The following KIF13A variants were observed in gnomAD, a reference collection of about 807,000 sequenced individuals.
KIF13A encodes kinesin-like protein KIF13A.
A neutral mutation model predicts 212.2 loss-of-function variants in KIF13A; 79 were observed. The observed-to-expected ratio is 0.37, with a 90% confidence interval of 0.31 to 0.45. KIF13A has a LOEUF of 0.45. Ranked by LOEUF, KIF13A falls within the 20% of genes least tolerant of loss-of-function variation. KIF13A has a pLI of 1.00. For missense variants in KIF13A, 1,901 were observed against 2,209.0 expected (o/e 0.86, Z 2.79); for synonymous variants, 789 against 808.6 (o/e 0.98, Z 0.41).
chr6:17,916,074 A>G (rs1230806331), intron 2 of KIF13A, among the ~76,000 whole-genome samples: 2 of 152,242 alleles, frequency 1.3e-5, no homozygotes, highest in Non-Finnish European at 2.9e-5. Flanking sequence ...TTCCCAATAC[A>G]GACCTGGGAG....
At chr6:17,939,159 C>G (rs753750223) in intron 2 of KIF13A, among the ~76,000 whole-genome samples, 3 of 152,190 alleles carry the variant, frequency 2.0e-5, no homozygotes. Flanking sequence ...TTTCCTCCCC[C>G]TTTCCTTGTG....
In KIF13A at chr6:17,769,617, T is replaced by C. The variant is rs1326602032; in HGVS notation, c.4581+1497A>G. ...TCTGCTGAACACCCCAGAAGGGTCA[T>C]CCAGCAGTGTCTTGATGGTGTTGTA... On this transcript the variant is annotated intron_variant, in intron 38 of 38. Coordinates refer to ENST00000259711, the MANE Select transcript of KIF13A (RefSeq NM_022113.6). The surrounding 1 kb of genome is among the most constrained non-coding windows in gnomAD (Gnocchi z 5.8). 2.0e-5 allele frequency among the ~76,000 whole-genome samples: 3 copies of C among 152,304 alleles called. No individual in the cohort carries two copies. The highest frequency in any genetic ancestry group is 1.5e-5 in the Non-Finnish European group (1 of 68,032).
intron 2 of KIF13A, among the ~76,000 whole-genome samples, chr6:17,944,564 T>A (rs561536976): frequency 6.6e-6 from 1 of 152,194 alleles, no homozygotes; most frequent in East Asian, 1.9e-4. Flanking sequence ...GCCCCTCTTG[T>A]CCCACTCCTC....
rs1032916078 is a variant in KIF13A, at chr6:17,963,006, T to C, written c.146+24048A>G. Among the ~76,000 whole-genome samples the C allele has an allele frequency of 3.9e-5, 6 of 152,214 alleles. No homozygotes were observed. Among genetic ancestry groups the C allele is most frequent in the Admixed American group, 2.6e-4 (4 of 15,278 alleles). The stretch of plus-strand genomic sequence containing the variant: ...CACTACACTGTAAACTCAAAGTGCA[T>C]AAAGATAATTGTTTATCCTATATGA... On this transcript the variant is annotated intron_variant, in intron 2 of 38. Coordinates refer to ENST00000259711, the MANE Select transcript of KIF13A (RefSeq NM_022113.6). The surrounding 1 kb of genome is among the most constrained non-coding windows in gnomAD (Gnocchi z 4.1).
chr6:17,825,670 T>A lies in KIF13A; in HGVS notation c.1786+98A>T. 1 of 1,135,122 alleles carries A rather than the reference T, an allele frequency of 8.8e-7. No homozygotes were observed. Among genetic ancestry groups the A allele is most frequent in the Non-Finnish European group, 1.3e-6 (1 of 788,070 alleles). 70.3% of individuals were successfully genotyped at this position (1,135,122 alleles called of 1,614,324 possible). A position where few individuals can be genotyped will look rare whatever the true frequency, so the allele number is the denominator to read the frequency against. On this transcript the variant is annotated intron_variant, in intron 16 of 38. Transcript: ENST00000259711. The surrounding 1 kb of genome is among the most constrained non-coding windows in gnomAD (Gnocchi z 4.5). ...TGAGCAGTTTTATGTGTTTAAAATG[T>A]GGAATGCGGAATGACACCTGATGCA...
chr6:17,782,055 A>G (rs1760640391), intron 29 of KIF13A, among the ~76,000 whole-genome samples: 1 of 151,162 alleles, frequency 6.6e-6, no homozygotes, highest in African/African-American at 2.4e-5. Flanking sequence ...TCCTGCCTCA[A>G]CCTCCCGAGC....
rs1384933070 is a variant in KIF13A, at chr6:17,764,522, A to G, written c.5006T>C (p.Leu1669Pro). The G allele has an allele frequency of 1.2e-6, 2 of 1,613,790 alleles. No individual in the cohort carries two copies. Among genetic ancestry groups the G allele is most frequent in the East Asian group, 2.2e-5 (1 of 44,884 alleles). The change falls in exon 39 of 39, where the codon CTC becomes CCC. Residue 1669 changes from leucine (L) to proline (P), a missense_variant. Transcript: ENST00000259711. The surrounding 1 kb of genome is among the most constrained non-coding windows in gnomAD (Gnocchi z 5.1). ...LVKDKIIVVP[L>P]KENSALAKGS... ...TTTGGCTAAGGCACTGTTTTCCTTG[A>G]GTGGCACCACAATTATCTTGTCCTT...
rs943786207 is a variant in KIF13A, at chr6:17,850,773, CTTGAT to C, written c.583-321_583-317del. The stretch of plus-strand genomic sequence containing the variant: ...CTCCGATAATCAATAATAGCAGTGA[CTTGAT>C]TTAACTCTTACTCTCCTGTGCTTAC... On this transcript the variant is annotated intron_variant, in intron 7 of 38. Transcript: ENST00000259711. The surrounding 1 kb of genome is among the most constrained non-coding windows in gnomAD (Gnocchi z 6.2). Among the ~76,000 whole-genome samples the C allele has an allele frequency of 6.6e-6, 1 of 152,148 alleles. No individual in the cohort carries two copies. Among genetic ancestry groups the C allele is most frequent in the African/African-American group, 2.4e-5 (1 of 41,432 alleles).
At chr6:17,788,771 C>A (rs1203742958) in intron 26 of KIF13A, among the ~76,000 whole-genome samples, 1 of 152,166 alleles carries the variant, frequency 6.6e-6, no homozygotes, top group Non-Finnish European at 1.5e-5. Flanking sequence ...GTCGCCCAGG[C>A]TGGAGTGCAG....
intron 25 of KIF13A, among the ~76,000 whole-genome samples, chr6:17,790,757 C>G (rs1182334135): frequency 6.6e-6 from 1 of 152,154 alleles, no homozygotes; most frequent in East Asian, 1.9e-4. Flanking sequence ...GCTGGGGCAA[C>G]CTCAGGCTAT....
rs368823202 is a variant in KIF13A, at chr6:17,781,136, C to G, written c.3669+41G>C. ...TGAGCAGGCCCACAAGCCTTGTGTG[C>G]TAATCTGAAGCCTTTTAAGAGAAAC... On this transcript the variant is annotated intron_variant, in intron 30 of 38. Coordinates refer to ENST00000259711, the MANE Select transcript of KIF13A (RefSeq NM_022113.6). 2.4e-5 allele frequency: 38 copies of G among 1,611,964 alleles called. 1 individual carries two copies. In the African/African-American group the frequency reaches 4.7e-4, roughly 20 times the overall value.
At chr6:17,817,301 G>T in intron 16 of KIF13A, 68 bp from the exon 17 acceptor site, 1 of 1,398,962 alleles carries the variant, frequency 7.1e-7, no homozygotes. Flanking sequence ...GCCAGGCACT[G>T]CAGCCTGTGG....
chr6:17,979,625 G>A (rs1051220876), intron 2 of KIF13A, among the ~76,000 whole-genome samples: 1 of 152,052 alleles, frequency 6.6e-6, no homozygotes, highest in African/African-American at 2.4e-5. Flanking sequence ...TCTGAGAGAT[G>A]TCCTTAACAT....
intron 4 of KIF13A, among the ~76,000 whole-genome samples, chr6:17,861,633 T>C (rs1011851937): frequency 5.3e-5 from 8 of 152,216 alleles, no homozygotes; most frequent in African/African-American, 1.9e-4. Context: ...ACTGAGTCAG[T>C]AGGAAAGAAA....
intron 16 of KIF13A, among the ~76,000 whole-genome samples, chr6:17,820,017 A>G (rs1272116090): frequency 1.3e-5 from 2 of 152,038 alleles, no homozygotes; most frequent in East Asian, 3.9e-4. Flanking sequence ...TTGCTACGAG[A>G]TACTGAATAA....
At chr6:17,962,216 C>T (rs1258196198) in intron 2 of KIF13A, among the ~76,000 whole-genome samples, 1 of 151,802 alleles carries the variant, frequency 6.6e-6, no homozygotes, top group Non-Finnish European at 1.5e-5. Context: ...GAGGCTGAGG[C>T]AAGAGAACTA....
At chr6:17,980,949 C>T (rs929076903) in intron 2 of KIF13A, among the ~76,000 whole-genome samples, 4 of 150,534 alleles carry the variant, frequency 2.7e-5, no homozygotes, top group South Asian at 2.1e-4. Flanking sequence ...TTCAGAAATA[C>T]GGTGGGAAAT....
chr6:17,925,627 C>A (rs987836246), intron 2 of KIF13A, among the ~76,000 whole-genome samples: 5 of 152,176 alleles, frequency 3.3e-5, no homozygotes, highest in Admixed American at 1.3e-4. Flanking sequence ...GGAGAGAACA[C>A]AAACAACAGT....
chr6:17,895,913 C>A lies in KIF13A; in HGVS notation c.159+2255G>T, dbSNP rs1438467484. On this transcript the variant is annotated intron_variant, in intron 3 of 38. Transcript: ENST00000259711. This position sits in a 1 kb window ranked among gnomAD's most constrained non-coding sequence, Gnocchi z 4.4. ...TCATTTCTGACAGCAGAAGTCTGAA[C>A]AGGAACTTTCATTCTATGAATTTCA... Among the ~76,000 whole-genome samples, 1 of 152,196 alleles carries A rather than the reference C, an allele frequency of 6.6e-6. No homozygotes were observed. The highest frequency in any genetic ancestry group is 2.4e-5 in the African/African-American group (1 of 41,446).
Sources: gnomAD v4.1 joint callset for allele counts (sites outside exome capture counted in the v4.1 genomes callset) on GRCh38, gnomAD v4.1.1 for gene constraint, Gnocchi (gnomAD v3.1) non-coding constraint, MANE v1.5 for transcripts, NCBI Gene and HGNC (gene_info 2026-07-23, HGNC 2026-07-21) for gene names.